The following PTCD2 variants were observed in gnomAD, a reference collection of about 807,000 sequenced individuals.
PTCD2 encodes the protein pentatricopeptide repeat-containing protein 2, mitochondrial.
Under a neutral mutation model 42.6 loss-of-function variants are expected in PTCD2, and 31 were observed. The observed-to-expected ratio is 0.73, with a 90% CI of 0.55 to 0.98. The LOEUF (loss-of-function observed/expected upper bound fraction) is 0.98. Among genes scored for constraint, PTCD2 ranks in the 50% least tolerant of loss-of-function variants. PTCD2 has a pLI of 0.00. For synonymous variants in PTCD2, 183 were observed against 170.9 expected (o/e 1.07, Z -0.55); for missense variants, 476 against 454.8 (o/e 1.05, Z -0.42).
At chr5:72,341,001 G>A (rs1322248028) in intron 7 of PTCD2, among the ~76,000 whole-genome samples, 1 of 141,070 alleles carries the variant, frequency 7.1e-6, no homozygotes, top group African/African-American at 2.7e-5. Context: ...GTCTCACTCT[G>A]TCTCCCAAGC....
chr5:72,342,682 A>G (rs1752134312), intron 7 of PTCD2, among the ~76,000 whole-genome samples: 1 of 152,024 alleles, frequency 6.6e-6, no homozygotes, highest in Admixed American at 6.6e-5. Context: ...CTTCATTCCT[A>G]TTTTTTTAGA....
At chr5:72,322,493 A>G (rs56187283) in intron 2 of PTCD2, among the ~76,000 whole-genome samples, 1 of 152,358 alleles carries the variant, frequency 6.6e-6, no homozygotes, top group African/African-American at 2.4e-5. Flanking sequence ...CCAGAGAAGT[A>G]TTAAAGCTAG....
intron 3 of PTCD2, among the ~76,000 whole-genome samples, chr5:72,327,990 A>G (rs901282347): frequency 3.9e-5 from 6 of 152,220 alleles, no homozygotes; most frequent in Non-Finnish European, 8.8e-5. Context: ...TTAATTTTAT[A>G]ACATGAAAAA....
At chr5:72,337,774 C>T (rs907398684) in intron 6 of PTCD2, among the ~76,000 whole-genome samples, 1 of 152,146 alleles carries the variant, frequency 6.6e-6, no homozygotes, top group Non-Finnish European at 1.5e-5. Context: ...GCCTGGGCAA[C>T]AGAGCGAGAC....
At position 72,352,701 on chromosome 5, in the gene PTCD2, G is replaced by C; in HGVS notation, c.889G>C (p.Ala297Pro). The C allele has an allele frequency of 6.2e-7, 1 of 1,605,406 alleles. No homozygotes were observed. Among genetic ancestry groups the C allele is most frequent in the Admixed American group, 1.7e-5 (1 of 59,914 alleles). Residue 297 changes from alanine (A) to proline (P), a missense_variant, in exon 9 of 10, where the codon GCA (alanine) becomes CCA (proline). Coordinates refer to ENST00000380639, the MANE Select transcript of PTCD2 (RefSeq NM_024754.5). ...CCTGATAAAGACTCTAAAAAATGCT[G>C]CAGAAGGAAATTTATCAAAATTTGT... ...ENLIKTLKNA[A>P]EGNLSKFVKR...
chr5:72,336,688 G>A (rs562907180), intron 6 of PTCD2, among the ~76,000 whole-genome samples: 3 of 148,042 alleles, frequency 2.0e-5, no homozygotes, highest in South Asian at 4.3e-4. Context: ...TCCAGCCTGG[G>A]TGACAGAGTG....
Position 72,333,851 on chromosome 5 carries a change from T to C in PTCD2, c.469-1167T>C, listed in dbSNP as rs547173012. ...ATATACATATTTCAAAACAACATACTGTTTTTTGGGGTTTTTTTTGGATAC... is the reference window on the plus strand; with the variant it reads ...ATATACATATTTCAAAACAACATACCGTTTTTTGGGGTTTTTTTTGGATAC... On this transcript the variant is annotated intron_variant, in intron 4 of 9. Transcript: ENST00000380639. 1.2e-4 allele frequency among the ~76,000 whole-genome samples: 18 copies of C among 152,318 alleles called. No individual in the cohort carries two copies. The South Asian group carries it at 2.5e-3, about 21-fold the overall frequency.
At chr5:72,341,962 G>A (rs896928720) in intron 7 of PTCD2, among the ~76,000 whole-genome samples, 6 of 151,802 alleles carry the variant, frequency 4.0e-5, no homozygotes, top group Admixed American at 1.3e-4. Context: ...GGAGAATGGC[G>A]TGAACCTGGG....
At position 72,362,737 on chromosome 5, in the gene PTCD2, C is replaced by A. The variant is rs1412425759; in HGVS notation, c.*4310C>A. 2.6e-5 allele frequency: 4 copies of A among 152,302 alleles called. No homozygotes were observed. In the East Asian group the frequency reaches 5.8e-4, roughly 22 times the overall value. 9.4% of individuals were successfully genotyped at this position (152,302 alleles called of 1,614,324 possible). ...TTTTGAGAATCTACAAAGGACAAGG[C>A]ACTACGAAAGACTCTACATGCCACA... On this transcript the variant is annotated 3_prime_UTR_variant, in exon 10 of 10. Transcript: ENST00000380639.
chr5:72,326,468 A>T, intron 2 of PTCD2, 144 bp from the exon 3 acceptor site: 1 of 781,290 alleles, frequency 1.3e-6, no homozygotes, highest in Non-Finnish European at 2.1e-6. Context: ...GAGATTGGCC[A>T]GTGATGGCAG....
chr5:72,340,873 G>A (rs889860699), intron 7 of PTCD2, among the ~76,000 whole-genome samples: 11 of 151,196 alleles, frequency 7.3e-5, no homozygotes, highest in African/African-American at 2.7e-4. Flanking sequence ...TGATTGACGT[G>A]ATGTTGTTCA....
At chr5:72,331,493 C>T in intron 4 of PTCD2, 118 bp downstream of exon 4, 2 of 767,190 alleles carry the variant, frequency 2.6e-6, no homozygotes, top group Non-Finnish European at 4.6e-6. Context: ...GCTGCTGGGG[C>T]TGAATGAGCA....
chr5:72,340,057 G>A (rs1021102476), intron 7 of PTCD2, among the ~76,000 whole-genome samples: 4 of 151,948 alleles, frequency 2.6e-5, no homozygotes, highest in African/African-American at 9.7e-5. Context: ...TAATCCATTT[G>A]TATTAATGTG....
chr5:72,327,093 A>G (rs1378647821), intron 3 of PTCD2, among the ~76,000 whole-genome samples: 4 of 152,178 alleles, frequency 2.6e-5, no homozygotes, highest in Admixed American at 2.6e-4. Flanking sequence ...CAGGACAGAT[A>G]TTTTGGAGCC....
At chr5:72,326,514 C>T in intron 2 of PTCD2, 98 bp from the exon 3 acceptor site, 1 of 1,305,312 alleles carries the variant, frequency 7.7e-7, no homozygotes, top group Non-Finnish European at 1.1e-6. Flanking sequence ...TGCCCCTCTG[C>T]AGTGAGCCGG....
At chr5:72,332,424 A>G (rs1751488933) in intron 4 of PTCD2, among the ~76,000 whole-genome samples, 2 of 152,202 alleles carry the variant, frequency 1.3e-5, no homozygotes, top group African/African-American at 4.8e-5. Context: ...ACAAAATATA[A>G]ATACATAGAT....
At chr5:72,352,780 C>A in intron 9 of PTCD2, 26 bp downstream of exon 9, 1 of 1,166,804 alleles carries the variant, frequency 8.6e-7, no homozygotes, top group South Asian at 1.3e-5. Flanking sequence ...CTGCAGAAAT[C>A]ATTTAAAAGT....
At chr5:72,344,119 A>G (rs1237376814) in intron 8 of PTCD2, among the ~76,000 whole-genome samples, 1 of 152,218 alleles carries the variant, frequency 6.6e-6, no homozygotes, top group African/African-American at 2.4e-5. Context: ...GAACCTACTG[A>G]GCAGTGCTCT....
intron 8 of PTCD2, among the ~76,000 whole-genome samples, chr5:72,344,745 G>A (rs916271029): frequency 5.9e-5 from 9 of 152,214 alleles, no homozygotes; most frequent in Middle Eastern, 3.4e-3. Context: ...CTGGGTGTCC[G>A]GGGGAGACAT....
Sources: gnomAD v4.1 joint callset for allele counts (sites outside exome capture counted in the v4.1 genomes callset) on GRCh38, gnomAD v4.1.1 for gene constraint, MANE v1.5 for transcripts, NCBI Gene and HGNC (gene_info 2026-07-23, HGNC 2026-07-21) for gene names.